Variants in NLGN1 observed in about 807,000 individuals in gnomAD.
The protein encoded by NLGN1 is neuroligin-1.
A neutral mutation model predicts 65.5 loss-of-function variants in NLGN1; 12 were observed. The observed-to-expected ratio is 0.18, with a 90% confidence interval of 0.12 to 0.30. NLGN1 has a LOEUF of 0.30. NLGN1 is among the 10% of genes least tolerant of loss of function. The pLI is 1.00. For missense variants in NLGN1, 750 were observed against 1,007.1 expected (o/e 0.74, Z 3.46); for synonymous variants, 350 against 359.5 (o/e 0.97, Z 0.30).
chr3:173,687,202 A>C (rs1376400804), intron 3 of NLGN1, among the ~76,000 whole-genome samples: 1 of 152,206 alleles, frequency 6.6e-6, no homozygotes, highest in African/African-American at 2.4e-5. Context: ...TTCTCCTGTA[A>C]CAGTGGTTCT....
intron 4 of NLGN1, among the ~76,000 whole-genome samples, chr3:174,060,712 A>T (rs989409001): frequency 1.3e-5 from 2 of 152,110 alleles, no homozygotes; most frequent in Non-Finnish European, 2.9e-5. Context: ...CTTATGTTAC[A>T]ATGAGATTTC....
chr3:174,168,733 G>A (rs550433056), intron 4 of NLGN1, among the ~76,000 whole-genome samples: 3 of 150,010 alleles, frequency 2.0e-5, no homozygotes, highest in South Asian at 4.2e-4. Context: ...GTGTGGGCAG[G>A]GAGCCAAAAC....
chr3:174,250,329 C>T (rs1035272775), intron 4 of NLGN1, among the ~76,000 whole-genome samples: 2 of 152,084 alleles, frequency 1.3e-5, no homozygotes, highest in African/African-American at 4.8e-5. Context: ...ATAGAATGGG[C>T]ATTACTAAAA....
chr3:174,042,711 C>A (rs1732624743), intron 4 of NLGN1, among the ~76,000 whole-genome samples: 1 of 152,086 alleles, frequency 6.6e-6, no homozygotes, highest in African/African-American at 2.4e-5. Flanking sequence ...ATTAAATAAA[C>A]TTTTTTAAAA....
chr3:173,798,087 G>A (rs930395060), intron 3 of NLGN1, among the ~76,000 whole-genome samples: 6 of 152,098 alleles, frequency 3.9e-5, no homozygotes, highest in African/African-American at 1.2e-4. Flanking sequence ...AATGAAGACA[G>A]TGATTTAATT....
chr3:174,100,005 G>A (rs1712042881), intron 4 of NLGN1, among the ~76,000 whole-genome samples: 1 of 152,102 alleles, frequency 6.6e-6, no homozygotes, highest in African/African-American at 2.4e-5. Flanking sequence ...ACCCTTGGCG[G>A]CTTGTTGATT....
intron 1 of NLGN1, among the ~76,000 whole-genome samples, chr3:173,422,031 G>T (rs1236913090): frequency 6.6e-6 from 1 of 151,916 alleles, no homozygotes; most frequent in East Asian, 1.9e-4. Context: ...TCCATCAAAT[G>T]CAGACATTTA....
intron 4 of NLGN1, among the ~76,000 whole-genome samples, chr3:174,092,124 C>T (rs1744635945): frequency 6.6e-6 from 1 of 151,986 alleles, no homozygotes; most frequent in Non-Finnish European, 1.5e-5. Context: ...TCCTCTTAGC[C>T]CATGAATATG....
Position 173,482,469 on chromosome 3 carries a change from A to C in NLGN1, c.-321+47391A>C, listed in dbSNP as rs149203805. ...CCCATCTCCACACTTTCAATACACTATCAGAAATTTCCTGGATAGATTTTC... is the reference window on the plus strand; with the variant it reads ...CCCATCTCCACACTTTCAATACACTCTCAGAAATTTCCTGGATAGATTTTC... On this transcript the variant is annotated intron_variant, in intron 2 of 6. Coordinates refer to ENST00000457714, the Ensembl canonical transcript of NLGN1. Among the ~76,000 whole-genome samples, 48 of 152,018 alleles carry C rather than the reference A, an allele frequency of 3.2e-4. No individual in the cohort carries two copies. In the East Asian group the frequency reaches 8.9e-3, roughly 28 times the overall value.
At chr3:173,572,064 C>A (rs1744741119) in intron 2 of NLGN1, among the ~76,000 whole-genome samples, 2 of 152,200 alleles carry the variant, frequency 1.3e-5, no homozygotes, top group Admixed American at 1.3e-4. Context: ...TTTCTGAATG[C>A]AAATCCTGTG....
At chr3:174,123,101 T>C (rs911831651) in intron 4 of NLGN1, among the ~76,000 whole-genome samples, 13 of 151,802 alleles carry the variant, frequency 8.6e-5, no homozygotes, top group African/African-American at 3.1e-4. Context: ...TGTGAAACCA[T>C]GGATGCTTAA....
intron 3 of NLGN1, among the ~76,000 whole-genome samples, chr3:173,804,481 A>T (rs919668693): frequency 6.6e-6 from 1 of 152,102 alleles, no homozygotes; most frequent in African/African-American, 2.4e-5. Flanking sequence ...GCTGCATTTG[A>T]TATATTTGCA....
At chr3:173,489,571 A>G in intron 2 of NLGN1, among the ~76,000 whole-genome samples, 1 of 152,184 alleles carries the variant, frequency 6.6e-6, no homozygotes. Flanking sequence ...TTATAGCAGC[A>G]TGATTTATAA....
chr3:174,101,692 C>CA (rs1336813642), intron 4 of NLGN1, among the ~76,000 whole-genome samples: 1 of 152,148 alleles, frequency 6.6e-6, no homozygotes, highest in African/African-American at 2.4e-5. Context: ...TGTTTTTCCG[C>CA]AGGCCCTCGC....
intron 3 of NLGN1, among the ~76,000 whole-genome samples, chr3:173,780,863 C>T (rs988073918): frequency 7.2e-5 from 11 of 151,866 alleles, no homozygotes; most frequent in Non-Finnish European, 1.5e-4. Context: ...AAATATTGGC[C>T]GGGCACAGTG....
chr3:173,533,543 C>G (rs1736942120), intron 2 of NLGN1, among the ~76,000 whole-genome samples: 1 of 152,168 alleles, frequency 6.6e-6, no homozygotes, highest in African/African-American at 2.4e-5. Context: ...TGGAAGTTCT[C>G]CCATGGCTCT....
intron 4 of NLGN1, among the ~76,000 whole-genome samples, chr3:174,106,288 A>G (rs1713782271): frequency 6.6e-6 from 1 of 152,052 alleles, no homozygotes; most frequent in Admixed American, 6.6e-5. Flanking sequence ...GTATATATAT[A>G]ATAGTTTCTC....
At chr3:173,658,283 G>C (rs1760392724) in intron 3 of NLGN1, among the ~76,000 whole-genome samples, 1 of 151,966 alleles carries the variant, frequency 6.6e-6, no homozygotes, top group Admixed American at 6.6e-5. Flanking sequence ...TTAGGAAGCT[G>C]TCATAACCTA....
chr3:173,514,935 A>G (rs1407211332), intron 2 of NLGN1, among the ~76,000 whole-genome samples: 4 of 152,146 alleles, frequency 2.6e-5, no homozygotes, highest in Non-Finnish European at 5.9e-5. Context: ...ATTGTTTTAC[A>G]TTTGGCTATT....
Sources: gnomAD v4.1 joint callset for allele counts (sites outside exome capture counted in the v4.1 genomes callset) on GRCh38, gnomAD v4.1.1 for gene constraint, MANE v1.5 for transcripts, NCBI Gene and HGNC (gene_info 2026-07-23, HGNC 2026-07-21) for gene names.